ANKS1B: variants seen among roughly 807,000 people sequenced by gnomAD.
ANKS1B encodes the protein ankyrin repeat and sterile alpha motif domain-containing protein 1B.
In ANKS1B, 36 loss-of-function variants were observed where a neutral mutation model predicts 148.3. That is an observed-to-expected ratio of 0.24 (90% CI 0.19 to 0.32). The LOEUF is 0.32. Among genes scored for constraint, ANKS1B ranks in the 10% least tolerant of loss-of-function variants. The pLI is 1.00. For synonymous variants in ANKS1B, 542 were observed against 560.8 expected (o/e 0.97, Z 0.47); for missense variants, 1,157 against 1,542.6 (o/e 0.75, Z 4.19).
At chr12:99,640,519 TC>T (rs1273723054) in intron 9 of ANKS1B, among the ~76,000 whole-genome samples, 1 of 152,200 alleles carries the variant, frequency 6.6e-6, no homozygotes, top group African/African-American at 2.4e-5. Flanking sequence ...CGTCTCTCAT[TC>T]TCTTGACCTC....
chr12:98,816,223 CA>C (rs2153645848), intron 19 of ANKS1B, among the ~76,000 whole-genome samples: 1 of 152,306 alleles, frequency 6.6e-6, no homozygotes, highest in African/African-American at 2.4e-5. Flanking sequence ...CTTCCCTAGG[CA>C]TATTACATCC....
At chr12:99,642,053 A>G (rs556947916) in intron 9 of ANKS1B, among the ~76,000 whole-genome samples, 4 of 152,348 alleles carry the variant, frequency 2.6e-5, no homozygotes, top group Non-Finnish European at 5.9e-5. Context: ...GGTACTCAAT[A>G]AGTGTTAGAT....
intron 9 of ANKS1B, among the ~76,000 whole-genome samples, chr12:99,616,089 T>G (rs1380748114): frequency 1.3e-5 from 2 of 151,994 alleles, no homozygotes; most frequent in Non-Finnish European, 2.9e-5. Context: ...ACAAGGGATG[T>G]GAAGGACCTT....
chr12:99,801,813 G>C (rs1014872761), intron 4 of ANKS1B, among the ~76,000 whole-genome samples: 1 of 152,158 alleles, frequency 6.6e-6, no homozygotes, highest in Non-Finnish European at 1.5e-5. Context: ...CAATGAACAA[G>C]TAGAGAGGAA....
chr12:99,098,977 C>T (rs550496886), intron 15 of ANKS1B, among the ~76,000 whole-genome samples: 11 of 152,124 alleles, frequency 7.2e-5, no homozygotes, highest in African/African-American at 2.2e-4. Context: ...GGGCTTGGCA[C>T]CTTAGATCAT....
intron 9 of ANKS1B, among the ~76,000 whole-genome samples, chr12:99,653,682 T>C (rs1166673731): frequency 2.8e-4 from 32 of 115,020 alleles, no homozygotes; most frequent in South Asian, 1.0e-3. Flanking sequence ...TTCTTTCTTT[T>C]TTTTTTTTTT....
chr12:98,835,225 G>A (rs1394925934), intron 17 of ANKS1B, among the ~76,000 whole-genome samples: 1 of 151,850 alleles, frequency 6.6e-6, no homozygotes, highest in African/African-American at 2.4e-5. Flanking sequence ...CTCAATTTTG[G>A]GCAGGTTACC....
At chr12:99,594,004 A>G (rs2097731034) in intron 9 of ANKS1B, among the ~76,000 whole-genome samples, 1 of 151,976 alleles carries the variant, frequency 6.6e-6, no homozygotes, top group African/African-American at 2.4e-5. Flanking sequence ...ACACAGTCTT[A>G]GATGCTAGAA....
chr12:98,844,621 C>T (rs1054335356), intron 17 of ANKS1B, among the ~76,000 whole-genome samples: 2 of 152,112 alleles, frequency 1.3e-5, no homozygotes, highest in Non-Finnish European at 2.9e-5. Flanking sequence ...TTGATGAAGT[C>T]TTTCATTATC....
At chr12:99,386,015 A>C (rs144240419) in intron 12 of ANKS1B, among the ~76,000 whole-genome samples, 1 of 152,318 alleles carries the variant, frequency 6.6e-6, no homozygotes, top group African/African-American at 2.4e-5. Flanking sequence ...TCTGAAATCT[A>C]TTATTAGCTT....
chr12:98,776,076 C>T (rs1217595531), intron 24 of ANKS1B, among the ~76,000 whole-genome samples: 1 of 152,178 alleles, frequency 6.6e-6, no homozygotes, highest in Admixed American at 6.5e-5. Flanking sequence ...GGGGTAAGGT[C>T]CTGGGATGTC....
intron 12 of ANKS1B, among the ~76,000 whole-genome samples, chr12:99,369,808 G>A (rs201161639): frequency 3.6e-4 from 51 of 143,164 alleles, no homozygotes; most frequent in African/African-American, 6.7e-4. Flanking sequence ...ACGGACAGAC[G>A]GACGGACGGA....
intron 16 of ANKS1B, among the ~76,000 whole-genome samples, 168 bp from the exon 17 acceptor site, chr12:99,053,477 T>C (rs990073742): frequency 7.2e-5 from 11 of 152,198 alleles, no homozygotes; most frequent in African/African-American, 2.2e-4. Context: ...TTCTAAAACA[T>C]TAATAATTTT....
chr12:99,007,032 A>C (rs1432064867), intron 17 of ANKS1B, among the ~76,000 whole-genome samples: 1 of 149,686 alleles, frequency 6.7e-6, no homozygotes, highest in African/African-American at 2.5e-5. Flanking sequence ...TCCTACAATT[A>C]AAACCCAAAA....
intron 20 of ANKS1B, among the ~76,000 whole-genome samples, chr12:98,806,374 G>A (rs189907927): frequency 5.9e-5 from 9 of 152,226 alleles, no homozygotes; most frequent in African/African-American, 2.2e-4. Context: ...TATGAGGACT[G>A]CTCCCACCTA....
chr12:99,900,934 T>C (rs1299071823), intron 1 of ANKS1B, among the ~76,000 whole-genome samples: 1 of 152,224 alleles, frequency 6.6e-6, no homozygotes, highest in Admixed American at 6.5e-5. Flanking sequence ...CATTATATAA[T>C]TTTTTCTCTG....
chr12:99,902,755 T>TC (rs1437936536), intron 1 of ANKS1B, among the ~76,000 whole-genome samples: 1 of 150,178 alleles, frequency 6.7e-6, no homozygotes, highest in African/African-American at 2.4e-5. Flanking sequence ...TTATACACTT[T>TC]TTTTTTTTTT....
chr12:99,333,858 T>TG (rs1566912732), intron 12 of ANKS1B, among the ~76,000 whole-genome samples: 2 of 148,558 alleles, frequency 1.3e-5, no homozygotes, highest in South Asian at 4.2e-4. Flanking sequence ...TTCTCAGTTT[T>TG]TTTTTTTTTT....
Position 99,984,346 on chromosome 12 carries a change from G to T in ANKS1B, c.-109C>A. 1 of 659,578 alleles carries T rather than the reference G, an allele frequency of 1.5e-6. No individual in the cohort carries two copies. Among genetic ancestry groups the T allele is most frequent in the Non-Finnish European group, 2.2e-6 (1 of 457,298 alleles). 40.9% of individuals were successfully genotyped at this position (659,578 alleles called of 1,614,324 possible). A position where few individuals can be genotyped will look rare whatever the true frequency, so the allele number is the denominator to read the frequency against. Reference sequence around the variant, plus strand: ...CCTCTTCGCCCCACCCTAAAATAATGCAAGAGCTTCAGCACGGAGAGCTCC... The same window carrying T: ...CCTCTTCGCCCCACCCTAAAATAATTCAAGAGCTTCAGCACGGAGAGCTCC... On this transcript the variant is annotated 5_prime_UTR_variant, in exon 1 of 27. Coordinates refer to ENST00000683438, the MANE Select transcript of ANKS1B (RefSeq NM_001352186.2).
Sources: allele counts gnomAD v4.1 joint callset (sites outside exome capture counted in the v4.1 genomes callset), GRCh38; gene constraint gnomAD v4.1.1; transcripts MANE v1.5; gene names NCBI Gene and HGNC (gene_info 2026-07-23, HGNC 2026-07-21).